STARD3NL: variants seen among roughly 807,000 people sequenced by gnomAD.
The protein encoded by STARD3NL is STARD3 N-terminal-like protein.
Under a neutral mutation model 30.9 loss-of-function variants are expected in STARD3NL, and 17 were observed. The observed-to-expected ratio is 0.55, with a 90% CI of 0.38 to 0.82. The LOEUF (loss-of-function observed/expected upper bound fraction) is 0.82, where lower values mean the gene tolerates loss of function less well. STARD3NL is among the 40% of genes least tolerant of loss of function. The pLI is 0.00. For synonymous variants in STARD3NL, 112 were observed against 100.5 expected, an observed-to-expected ratio of 1.11 and a Z score of -0.69; for missense variants, 234 against 277.6, an observed-to-expected ratio of 0.84 and a Z score of 1.12.
chr7:38,207,745 T>C lies in STARD3NL; in HGVS notation c.225+16T>C. 6.2e-7 allele frequency: 1 copy of C among 1,608,246 alleles called. No homozygotes were observed. ...AGAGTTAAATGTAAGTTGGTGGTTC[T>C]TTCATAACTTTTTAAGAAGTGTTTC... is the stretch of plus-strand genomic sequence containing the variant. On this transcript the variant is annotated intron_variant, in intron 2 of 8. Transcript: ENST00000009041.
At chr7:38,217,113 C>CG (rs1786164759) in intron 5 of STARD3NL, 35 bp downstream of exon 5, 1 of 1,613,734 alleles carries the variant, frequency 6.2e-7, no homozygotes, top group Non-Finnish European at 8.5e-7. Flanking sequence ...CAGTTACCAT[C>CG]TTCAGTGATG....
intron 1 of STARD3NL, among the ~76,000 whole-genome samples, chr7:38,178,645 C>T (rs950642640): frequency 2.6e-5 from 4 of 152,208 alleles, no homozygotes; most frequent in Non-Finnish European, 4.4e-5. Context: ...AGCCCCGCTG[C>T]TCCCACGGCG....
Position 38,207,703 on chromosome 7 carries a change from A to G in STARD3NL, c.199A>G (p.Thr67Ala). 6.2e-7 allele frequency: 1 copy of G among 1,614,028 alleles called. No homozygotes were observed. The highest frequency in any genetic ancestry group is 1.1e-5 in the South Asian group (1 of 91,084). The part of the protein sequence containing the change: ...LFVTFDLLFV[T>A]LLWIIELNVN... ...TGTCACCTTTGACCTCTTATTCGTAACATTACTGTGGATAATAGAGTTAAA... is the reference window on the plus strand; with the variant it reads ...TGTCACCTTTGACCTCTTATTCGTAGCATTACTGTGGATAATAGAGTTAAA... Residue 67 changes from threonine (T) to alanine (A), a missense_variant, in exon 2 of 9, where the codon ACA becomes GCA. Transcript: ENST00000009041.
rs758358766 is a variant in STARD3NL, at chr7:38,217,033, G to A, written c.390G>A (p.Thr130=). The A allele has an allele frequency of 3.2e-5, 51 of 1,614,062 alleles. 1 individual carries two copies. In the South Asian group the frequency reaches 3.8e-4, roughly 12 times the overall value. The change falls in exon 5 of 9, where the codon ACG becomes ACA. Residue 130 remains threonine (T), a synonymous_variant. Coordinates refer to ENST00000009041, the MANE Select transcript of STARD3NL (RefSeq NM_032016.4). ...LRHWWAIALT[T]AVTSAFLLAK... is the part of the protein sequence containing the mutation. The stretch of plus-strand genomic sequence containing the variant: ...GATTATGTGTCTTGCAGTTGACAAC[G>A]GCAGTGACCAGTGCCTTTTTACTAG...
At chr7:38,187,039 A>G (rs1784489903) in intron 1 of STARD3NL, among the ~76,000 whole-genome samples, 1 of 150,862 alleles carries the variant, frequency 6.6e-6, no homozygotes, top group African/African-American at 2.4e-5. Context: ...AAAAAAAAAG[A>G]GAAACAAATG....
At chr7:38,199,774 G>C (rs563965048) in intron 1 of STARD3NL, among the ~76,000 whole-genome samples, 12 of 152,198 alleles carry the variant, frequency 7.9e-5, no homozygotes, top group Non-Finnish European at 1.6e-4. Context: ...CTCATTAAAA[G>C]GAAGGGCTCT....
At chr7:38,178,864 C>CAAAA (rs796132304) in intron 1 of STARD3NL, among the ~76,000 whole-genome samples, 13 of 142,226 alleles carry the variant, frequency 9.1e-5, no homozygotes, top group African/African-American at 3.4e-4. Flanking sequence ...AAGTCGTGTT[C>CAAAA]AAAAAAAAAA....
chr7:38,229,086 CT>C (rs1222803992), intron 8 of STARD3NL, among the ~76,000 whole-genome samples: 1 of 152,174 alleles, frequency 6.6e-6, no homozygotes, highest in Non-Finnish European at 1.5e-5. Flanking sequence ...CCTCAGATTT[CT>C]AAATTTCTAA....
chr7:38,209,674 C>G (rs1162425120), intron 2 of STARD3NL, among the ~76,000 whole-genome samples: 1 of 152,192 alleles, frequency 6.6e-6, no homozygotes. Context: ...TCCGGGCATT[C>G]ATTGCTTTGG....
At chr7:38,205,090 T>G (rs1362383217) in intron 1 of STARD3NL, among the ~76,000 whole-genome samples, 2 of 152,202 alleles carry the variant, frequency 1.3e-5, no homozygotes, top group Non-Finnish European at 2.9e-5. Flanking sequence ...CTTCTGAAAC[T>G]ATTCCAATCA....
intron 2 of STARD3NL, among the ~76,000 whole-genome samples, chr7:38,210,002 C>CT (rs1267640625): frequency 1.3e-5 from 2 of 152,282 alleles, no homozygotes; most frequent in South Asian, 4.1e-4. Flanking sequence ...AACATCAGGA[C>CT]TTTTTTTAGT....
intron 1 of STARD3NL, among the ~76,000 whole-genome samples, chr7:38,184,819 C>CAT (rs528264959): frequency 7.6e-5 from 11 of 145,010 alleles, no homozygotes; most frequent in African/African-American, 2.3e-4. Flanking sequence ...TATGGAAATA[C>CAT]ATATATATAT....
At chr7:38,211,627 C>T (rs993636620) in intron 2 of STARD3NL, among the ~76,000 whole-genome samples, 2 of 152,126 alleles carry the variant, frequency 1.3e-5, no homozygotes, top group African/African-American at 4.8e-5. Context: ...CAATGGTGAG[C>T]TGTTACAGAT....
intron 1 of STARD3NL, among the ~76,000 whole-genome samples, chr7:38,178,693 T>C (rs1272555149): frequency 1.3e-5 from 2 of 151,944 alleles, no homozygotes; most frequent in African/African-American, 4.8e-5. Flanking sequence ...GTAGCGGGAG[T>C]GTCCTCATTC....
chr7:38,191,135 C>G (rs565303784), intron 1 of STARD3NL, among the ~76,000 whole-genome samples: 2 of 152,262 alleles, frequency 1.3e-5, no homozygotes, highest in African/African-American at 4.8e-5. Context: ...TTAATAATTG[C>G]CAGCATCCAT....
At chr7:38,226,313 A>G (rs1418920185) in intron 7 of STARD3NL, among the ~76,000 whole-genome samples, 1 of 151,898 alleles carries the variant, frequency 6.6e-6, no homozygotes, top group African/African-American at 2.4e-5. Flanking sequence ...TATACACCCT[A>G]GGATGTGTGG....
At chr7:38,196,889 A>G (rs1010586149) in intron 1 of STARD3NL, among the ~76,000 whole-genome samples, 6 of 152,220 alleles carry the variant, frequency 3.9e-5, no homozygotes, top group Admixed American at 3.9e-4. Context: ...ATTGTATTTA[A>G]TATGGATCAT....
chr7:38,225,235 T>C (rs1052785175), intron 7 of STARD3NL, among the ~76,000 whole-genome samples: 2 of 152,328 alleles, frequency 1.3e-5, no homozygotes, highest in Non-Finnish European at 2.9e-5. Context: ...CTTTACACAT[T>C]CCAGATAAAA....
chr7:38,216,825 T>A (rs1583820964), intron 4 of STARD3NL, 200 bp from the exon 5 acceptor site: 3 of 586,700 alleles, frequency 5.1e-6, no homozygotes, highest in Non-Finnish European at 9.1e-6. Flanking sequence ...CATTTAGGGA[T>A]TGTGTCACAT....
Sources: allele counts gnomAD v4.1 joint callset (sites outside exome capture counted in the v4.1 genomes callset), GRCh38; gene constraint gnomAD v4.1.1; transcripts MANE v1.5; gene names NCBI Gene and HGNC (gene_info 2026-07-23, HGNC 2026-07-21).